The following THRB variants were observed in gnomAD, a reference collection of about 807,000 sequenced individuals.
THRB encodes the protein thyroid hormone receptor beta, also known as nuclear receptor subfamily 1 group A member 2.
A neutral mutation model predicts 47.8 loss-of-function variants in THRB; 12 were observed. The observed-to-expected ratio is 0.25, with a 90% CI of 0.16 to 0.41. The LOEUF (loss-of-function observed/expected upper bound fraction) is 0.41, where lower values mean the gene tolerates loss of function less well. Ranked by LOEUF, THRB falls within the 10% of genes least tolerant of loss-of-function variation. The probability of loss-of-function intolerance (pLI) is 1.00; values close to 1 mark genes in which losing one functional copy is unlikely to be tolerated. For synonymous variants in THRB, 218 were observed against 212.2 expected (o/e 1.03, Z -0.24); for missense variants, 348 against 589.2 (o/e 0.59, Z 4.24).
At chr3:24,328,619 G>A (rs566476359) in intron 2 of THRB, among the ~76,000 whole-genome samples, 3 of 152,126 alleles carry the variant, frequency 2.0e-5, no homozygotes, top group South Asian at 2.1e-4. Flanking sequence ...CCCATGTTTC[G>A]TCAATTCTAC....
At chr3:24,275,070 A>C (rs553692174) in intron 3 of THRB, among the ~76,000 whole-genome samples, 23 of 152,340 alleles carry the variant, frequency 1.5e-4, no homozygotes, top group African/African-American at 5.5e-4. Flanking sequence ...CTTGATTTAC[A>C]CGGCAGCTTG....
intron 3 of THRB, among the ~76,000 whole-genome samples, chr3:24,290,609 G>A (rs1162685385): frequency 6.6e-6 from 1 of 152,196 alleles, no homozygotes; most frequent in Non-Finnish European, 1.5e-5. Context: ...GAGACACGAT[G>A]CACAATCAAG....
At chr3:24,427,122 G>A (rs573683514) in intron 1 of THRB, among the ~76,000 whole-genome samples, 3 of 151,874 alleles carry the variant, frequency 2.0e-5, no homozygotes, top group African/African-American at 7.2e-5. Flanking sequence ...GGGATGAGGC[G>A]CCAGATGGTT....
intron 3 of THRB, among the ~76,000 whole-genome samples, chr3:24,229,708 C>T (rs2048056200): frequency 6.6e-6 from 1 of 152,164 alleles, no homozygotes; most frequent in Non-Finnish European, 1.5e-5. Context: ...CAGGATGACA[C>T]AGATGGACAC....
chr3:24,259,707 G>A (rs1213108518), intron 3 of THRB, among the ~76,000 whole-genome samples: 1 of 112,312 alleles, frequency 8.9e-6, no homozygotes, highest in Admixed American at 1.1e-4. Flanking sequence ...TTGTTTGTTT[G>A]TTTTTAATAT....
At chr3:24,480,947 C>T (rs1696264823) in intron 1 of THRB, among the ~76,000 whole-genome samples, 1 of 152,192 alleles carries the variant, frequency 6.6e-6, no homozygotes, top group South Asian at 2.1e-4. Flanking sequence ...TTGACACTTT[C>T]TGAACAGTCT....
intron 3 of THRB, among the ~76,000 whole-genome samples, chr3:24,270,139 A>G (rs2053171750): frequency 6.6e-6 from 1 of 152,210 alleles, no homozygotes; most frequent in Admixed American, 6.5e-5. Context: ...TAAATTTTAA[A>G]AACTGCAACT....
intron 2 of THRB, among the ~76,000 whole-genome samples, chr3:24,326,632 T>C (rs1022630039): frequency 6.6e-6 from 1 of 152,152 alleles, no homozygotes; most frequent in African/African-American, 2.4e-5. Flanking sequence ...AAATATTTAT[T>C]TGACAACGTG....
intron 1 of THRB, among the ~76,000 whole-genome samples, chr3:24,442,085 G>A (rs762773174): frequency 1.3e-4 from 20 of 151,934 alleles, no homozygotes; most frequent in East Asian, 3.9e-4. Flanking sequence ...AGGGACTCCT[G>A]TGCTTCTAAA....
intron 2 of THRB, among the ~76,000 whole-genome samples, chr3:24,336,893 T>G (rs555639414): frequency 6.6e-6 from 1 of 152,152 alleles, no homozygotes; most frequent in South Asian, 2.1e-4. Context: ...GGCTAATTTT[T>G]TGTATTTTTT....
intron 1 of THRB, among the ~76,000 whole-genome samples, chr3:24,423,402 C>T (rs907602475): frequency 2.0e-5 from 3 of 151,764 alleles, no homozygotes; most frequent in Non-Finnish European, 4.4e-5. Flanking sequence ...CTCCTGGCTC[C>T]CAGTCTCCCA....
intron 1 of THRB, among the ~76,000 whole-genome samples, chr3:24,446,590 ATACTTT>A (rs2072109442): frequency 6.8e-6 from 1 of 148,004 alleles, no homozygotes; most frequent in Non-Finnish European, 1.5e-5. Context: ...AGAAAGAAAT[ATACTTT>A]TGAAAATTCC....
At chr3:24,303,247 G>C (rs1043192888) in intron 2 of THRB, among the ~76,000 whole-genome samples, 1 of 152,136 alleles carries the variant, frequency 6.6e-6, no homozygotes, top group African/African-American at 2.4e-5. Flanking sequence ...ATGAATCTTT[G>C]CTGTGAATCT....
intron 1 of THRB, among the ~76,000 whole-genome samples, chr3:24,347,121 T>G (rs534370678): frequency 6.6e-6 from 1 of 152,124 alleles, no homozygotes; most frequent in Admixed American, 6.6e-5. Context: ...ATTTGGAAAT[T>G]AAGCAGTACC....
At chr3:24,399,590 A>C (rs1422503605) in intron 1 of THRB, among the ~76,000 whole-genome samples, 1 of 152,102 alleles carries the variant, frequency 6.6e-6, no homozygotes, top group Non-Finnish European at 1.5e-5. Flanking sequence ...AAAAGGTAAC[A>C]AATAAGGAAG....
intron 4 of THRB, among the ~76,000 whole-genome samples, chr3:24,210,772 T>G (rs751452988): frequency 1.3e-5 from 2 of 152,226 alleles, no homozygotes; most frequent in Non-Finnish European, 2.9e-5. Context: ...AAGTAAGGTA[T>G]GAATGACTGA....
intron 1 of THRB, among the ~76,000 whole-genome samples, chr3:24,376,795 T>A (rs1435486680): frequency 6.6e-6 from 1 of 152,164 alleles, no homozygotes; most frequent in Non-Finnish European, 1.5e-5. Flanking sequence ...CTCATTACTC[T>A]TTAAAGGAAG....
rs77069743 is a variant in THRB, at chr3:24,219,758, A to C, written c.22+9180T>G. 6.3e-3 allele frequency among the ~76,000 whole-genome samples: 960 copies of C among 152,366 alleles called. 6 individuals carry two copies. The highest frequency in any genetic ancestry group is 0.021 in the African/African-American group (874 of 41,588). ...TGATTCTCAAACTTCTGTGTGCATCAGAATCACCTGGAGAGCTAATTAGGC... is the reference window on the plus strand; with the variant it reads ...TGATTCTCAAACTTCTGTGTGCATCCGAATCACCTGGAGAGCTAATTAGGC... On this transcript the variant is annotated intron_variant, in intron 4 of 10. Transcript: ENST00000646209.
intron 8 of THRB, among the ~76,000 whole-genome samples, chr3:24,135,282 A>G (rs2034477859): frequency 6.6e-6 from 1 of 152,254 alleles, no homozygotes; most frequent in African/African-American, 2.4e-5. Context: ...ACCAGGGTCA[A>G]CAGGAGCAGC....
Sources: gnomAD v4.1 joint callset for allele counts (sites outside exome capture counted in the v4.1 genomes callset) on GRCh38, gnomAD v4.1.1 for gene constraint, MANE v1.5 for transcripts, NCBI Gene and HGNC (gene_info 2026-07-23, HGNC 2026-07-21) for gene names.